Variants in PDXDC1 observed in about 807,000 individuals in gnomAD.
PDXDC1 encodes the protein pyridoxal-dependent decarboxylase domain-containing protein 1.
A neutral mutation model predicts 100.1 loss-of-function variants in PDXDC1; 42 were observed. The ratio of observed to expected loss-of-function variants is 0.42; its 90% CI spans 0.33 to 0.54. The LOEUF is 0.54. Ranked by LOEUF, PDXDC1 falls within the 20% of genes least tolerant of loss-of-function variation. PDXDC1 has a pLI of 0.10. For missense variants in PDXDC1, 636 were observed against 979.2 expected (o/e 0.65, Z 4.68); for synonymous variants, 260 against 371.7 (o/e 0.70, Z 3.46).
intron 16 of PDXDC1, among the ~76,000 whole-genome samples, chr16:15,098,419 T>C (rs192374963): frequency 2.6e-5 from 4 of 152,020 alleles, no homozygotes; most frequent in Admixed American, 1.3e-4. Flanking sequence ...CAGGCTGGTC[T>C]CAAATGCCTG....
intron 16 of PDXDC1, among the ~76,000 whole-genome samples, chr16:15,077,763 C>A (rs1013175345): frequency 1.3e-5 from 2 of 152,228 alleles, no homozygotes; most frequent in African/African-American, 4.8e-5. Flanking sequence ...ACTGCTTGAA[C>A]CCCGGAGGTG....
At chr16:15,126,273 G>A (rs1446504119) in intron 16 of PDXDC1, among the ~76,000 whole-genome samples, 3 of 136,928 alleles carry the variant, frequency 2.2e-5, no homozygotes, top group African/African-American at 7.9e-5. Context: ...CTGACCTCAA[G>A]TGATCTGCCC....
intron 16 of PDXDC1, among the ~76,000 whole-genome samples, chr16:15,124,409 T>C (rs1011030299): frequency 3.9e-5 from 6 of 152,124 alleles, no homozygotes; most frequent in Non-Finnish European, 7.3e-5. Flanking sequence ...AAATATTCTA[T>C]TGATGCTACA....
intron 22 of PDXDC1, 29 bp from the exon 23 acceptor site, chr16:15,035,987 T>G (rs1567736152): frequency 1.3e-6 from 2 of 1,587,748 alleles, no homozygotes; most frequent in Non-Finnish European, 1.7e-6. Flanking sequence ...TCACTGAGTT[T>G]CAGCGCAGTC....
intron 13 of PDXDC1, among the ~76,000 whole-genome samples, chr16:15,023,453 G>A (rs1177978590): frequency 1.3e-5 from 2 of 152,296 alleles, no homozygotes. Flanking sequence ...TGTATTTGGG[G>A]TTCAAGTCAG....
At chr16:14,977,781 C>A (rs1330883409) in intron 1 of PDXDC1, among the ~76,000 whole-genome samples, 1 of 152,226 alleles carries the variant, frequency 6.6e-6, no homozygotes, top group Non-Finnish European at 1.5e-5. Flanking sequence ...GACTATCCTG[C>A]GTTAAATTCT....
intron 1 of PDXDC1, among the ~76,000 whole-genome samples, chr16:14,985,258 GT>G: frequency 6.8e-6 from 1 of 146,338 alleles, no homozygotes; most frequent in South Asian, 2.2e-4. Context: ...GTAGTTACCA[GT>G]TTTGGAAGAT....
At chr16:14,983,616 C>CTTAG (rs1968534766) in intron 1 of PDXDC1, among the ~76,000 whole-genome samples, 1 of 144,986 alleles carries the variant, frequency 6.9e-6, no homozygotes. Flanking sequence ...TCTTTGAAGG[C>CTTAG]TTAGCTCTGT....
intron 16 of PDXDC1, among the ~76,000 whole-genome samples, chr16:15,082,523 A>C (rs1489414013): frequency 6.6e-6 from 1 of 151,962 alleles, no homozygotes; most frequent in African/African-American, 2.4e-5. Flanking sequence ...AAACACAAAA[A>C]TTAGCGGGGT....
chr16:14,992,275 T>C (rs1452422932), intron 1 of PDXDC1, among the ~76,000 whole-genome samples: 1 of 152,280 alleles, frequency 6.6e-6, no homozygotes, highest in Admixed American at 6.5e-5. Context: ...TGGCTTTATC[T>C]GTAAAGGCTT....
chr16:15,101,866 C>T (rs1186554675), intron 16 of PDXDC1, among the ~76,000 whole-genome samples: 2 of 151,486 alleles, frequency 1.3e-5, no homozygotes, highest in African/African-American at 2.4e-5. Flanking sequence ...TTTATTGTCT[C>T]GAGACAGAGT....
At position 15,054,171 on chromosome 16, in the gene PDXDC1, C is replaced by A. The variant is rs538248479; in HGVS notation, c.1399+24115C>A. 3.3e-5 allele frequency among the ~76,000 whole-genome samples: 5 copies of A among 152,304 alleles called. No individual in the cohort carries two copies. The South Asian group carries it at 1.0e-3, about 32-fold the overall frequency. On this transcript the variant is annotated intron_variant, in intron 16 of 16. Transcript: ENST00000535621. ...CTTGCCCAGCTGCGATGCCCTCACC[C>A]TTCTTCTCCTTTTCAAATCTCTCTC...
intron 16 of PDXDC1, among the ~76,000 whole-genome samples, chr16:15,122,245 G>A (rs1310407852): frequency 6.7e-6 from 1 of 148,918 alleles, no homozygotes; most frequent in Non-Finnish European, 1.5e-5. Flanking sequence ...GGTCCGTTTT[G>A]TTTGTTAGAG....
At chr16:15,022,809 A>C in intron 13 of PDXDC1, 55 bp downstream of exon 13, 2 of 1,344,760 alleles carry the variant, frequency 1.5e-6, no homozygotes, top group Non-Finnish European at 2.1e-6. Flanking sequence ...GAACCTCAGC[A>C]ACTTTGAATG....
intron 16 of PDXDC1, among the ~76,000 whole-genome samples, chr16:15,049,504 C>T (rs1308474860): frequency 1.3e-5 from 2 of 152,068 alleles, no homozygotes; most frequent in Non-Finnish European, 2.9e-5. Context: ...TCTCAGTTCA[C>T]TGCAATCTCC....
At chr16:15,136,157 G>A (rs2048339200) in intron 16 of PDXDC1, 3 of 1,132,306 alleles carry the variant, frequency 2.6e-6, no homozygotes, top group African/African-American at 1.5e-5. Flanking sequence ...GGATGCCAGG[G>A]GGCTCAGGGC....
chr16:15,130,452 G>T lies in PDXDC1; in HGVS notation c.1400-8427G>T, dbSNP rs968869910. 1.0e-5 allele frequency: 15 copies of T among 1,458,884 alleles called. No homozygotes were observed. In the African/African-American group the frequency reaches 2.1e-4, roughly 20 times the overall value. 90.4% of individuals were successfully genotyped at this position (1,458,884 alleles called of 1,614,324 possible). On this transcript the variant is annotated intron_variant, in intron 16 of 16. Transcript: ENST00000535621. ...ACGGTAACTCCCCACTGGGTCTCTG[G>T]TCCTGGGCAGGGAAGGGGCAGTGGA... is the stretch of plus-strand genomic sequence containing the variant.
intron 12 of PDXDC1, among the ~76,000 whole-genome samples, chr16:15,020,055 T>A (rs2042066234): frequency 7.4e-6 from 1 of 134,982 alleles, no homozygotes; most frequent in Admixed American, 9.5e-5. Context: ...GAGCTTGCAG[T>A]GAGCCGAGAT....
chr16:15,034,611 C>A, intron 21 of PDXDC1, 58 bp downstream of exon 21: 2 of 1,238,492 alleles, frequency 1.6e-6, no homozygotes, highest in Middle Eastern at 2.6e-4. Context: ...TCACCAAATG[C>A]CCTTGGGTCC....
Sources: allele counts gnomAD v4.1 joint callset (sites outside exome capture counted in the v4.1 genomes callset), GRCh38; gene constraint gnomAD v4.1.1; transcripts MANE v1.5; gene names NCBI Gene and HGNC (gene_info 2026-07-23, HGNC 2026-07-21).